Variants in MYO3B observed in about 807,000 individuals in gnomAD.
The protein encoded by MYO3B is myosin-IIIb.
In MYO3B, 156 loss-of-function variants were observed where a neutral mutation model predicts 174.6. The observed-to-expected ratio is 0.89, with a 90% CI of 0.78 to 1.02. The LOEUF is 1.02. Among genes scored for constraint, MYO3B ranks in the 50% least tolerant of loss-of-function variants. MYO3B has a pLI of 0.00. For missense variants in MYO3B, 1,632 were observed against 1,639.4 expected (o/e 1.00, Z 0.08); for synonymous variants, 563 against 569.1 (o/e 0.99, Z 0.15).
intron 22 of MYO3B, among the ~76,000 whole-genome samples, chr2:170,422,458 G>A (rs1465338583): frequency 7.5e-6 from 1 of 132,696 alleles, no homozygotes; most frequent in Non-Finnish European, 1.6e-5. Context: ...TGTTCTATTA[G>A]CCACTTTTTT....
intron 9 of MYO3B, among the ~76,000 whole-genome samples, chr2:170,370,237 G>A (rs1232674001): frequency 6.6e-6 from 1 of 152,150 alleles, no homozygotes; most frequent in African/African-American, 2.4e-5. Context: ...TACTGGAGGT[G>A]AAGAAAATAA....
chr2:170,253,486 T>C (rs2093274940), intron 7 of MYO3B, among the ~76,000 whole-genome samples: 1 of 152,154 alleles, frequency 6.6e-6, no homozygotes, highest in Non-Finnish European at 1.5e-5. Flanking sequence ...GTGGTGACAT[T>C]GAGTATGCAG....
intron 7 of MYO3B, among the ~76,000 whole-genome samples, chr2:170,307,422 GT>G (rs1433645507): frequency 6.6e-6 from 1 of 152,100 alleles, no homozygotes; most frequent in Non-Finnish European, 1.5e-5. Context: ...AAAATGCTCT[GT>G]TCAGTGAGTC....
intron 32 of MYO3B, among the ~76,000 whole-genome samples, chr2:170,641,857 GT>G (rs879416981): frequency 0.13 from 11,713 of 91,710 alleles, 1,081 homozygotes; most frequent in East Asian, 0.23. Flanking sequence ...TTATTGTTAA[GT>G]GGGGGGGGGG....
At chr2:170,194,270 C>G (rs1387724595) in intron 1 of MYO3B, among the ~76,000 whole-genome samples, 1 of 151,984 alleles carries the variant, frequency 6.6e-6, no homozygotes, top group Non-Finnish European at 1.5e-5. Flanking sequence ...TTTGAGAGGC[C>G]AGGGTGGGAG....
Position 170,534,132 on chromosome 2 carries a change from G to A in MYO3B, c.3576-8774G>A, listed in dbSNP as rs962827850. ...ATGTTGTGTTTTTTACGAACTGAAG[G>A]TTTGTGCCACCCTGTGTTGAGCAAG... is the stretch of plus-strand genomic sequence containing the variant. On this transcript the variant is annotated intron_variant, in intron 30 of 34. Coordinates refer to ENST00000408978, the MANE Select transcript of MYO3B (RefSeq NM_138995.5). Among the ~76,000 whole-genome samples the A allele has an allele frequency of 3.3e-5, 5 of 152,262 alleles. No homozygotes were observed. The East Asian group carries it at 9.6e-4, about 29-fold the overall frequency.
intron 32 of MYO3B, among the ~76,000 whole-genome samples, chr2:170,563,068 GAC>G (rs1300303443): frequency 7.4e-5 from 5 of 67,690 alleles, no homozygotes; most frequent in Admixed American, 4.4e-4. Context: ...ACACACTCTA[GAC>G]ACACACACTA....
At chr2:170,552,915 C>T (rs1691023911) in intron 32 of MYO3B, among the ~76,000 whole-genome samples, 1 of 152,172 alleles carries the variant, frequency 6.6e-6, no homozygotes, top group African/African-American at 2.4e-5. Context: ...TCAGCTGTGG[C>T]TAAAAGGGGC....
At chr2:170,387,394 T>G (rs923301229) in intron 14 of MYO3B, 86 bp downstream of exon 14, 1 of 1,283,284 alleles carries the variant, frequency 7.8e-7, no homozygotes, top group African/African-American at 1.5e-5. Flanking sequence ...GTTTTCATTC[T>G]TGTTCTTAAC....
chr2:170,217,238 C>A, intron 5 of MYO3B, 81 bp from the exon 6 acceptor site: 1 of 1,212,210 alleles, frequency 8.2e-7, no homozygotes, highest in Non-Finnish European at 1.2e-6. Context: ...ACTTATTTGG[C>A]CTTTGTGGAA....
chr2:170,360,188 G>T (rs893754865), intron 8 of MYO3B, among the ~76,000 whole-genome samples: 13 of 152,234 alleles, frequency 8.5e-5, no homozygotes, highest in African/African-American at 2.9e-4. Context: ...CCTTCTCCTT[G>T]TAGGGAGAAG....
chr2:170,385,980 G>T, intron 12 of MYO3B: 1 of 418,736 alleles, frequency 2.4e-6, no homozygotes, highest in East Asian at 3.8e-5. Context: ...ATATTGGACA[G>T]ATTAAACAGA....
intron 3 of MYO3B, among the ~76,000 whole-genome samples, chr2:170,207,312 C>T (rs2092723082): frequency 6.6e-6 from 1 of 152,114 alleles, no homozygotes; most frequent in Non-Finnish European, 1.5e-5. Context: ...TCATCCGAGG[C>T]TCCAGTTGCA....
At chr2:170,384,881 C>G (rs1250312757) in intron 12 of MYO3B, among the ~76,000 whole-genome samples, 2 of 152,150 alleles carry the variant, frequency 1.3e-5, no homozygotes, top group Non-Finnish European at 2.9e-5. Flanking sequence ...CGATTAGTGC[C>G]ACAAGACTGT....
chr2:170,204,563 A>C (rs964469280), intron 3 of MYO3B, among the ~76,000 whole-genome samples: 3 of 152,262 alleles, frequency 2.0e-5, no homozygotes, highest in African/African-American at 7.2e-5. Flanking sequence ...TGATTGAATC[A>C]ATATTCAATG....
Position 170,464,993 on chromosome 2 carries a change from C to T in MYO3B, c.2809-1513C>T, listed in dbSNP as rs182787539. Among the ~76,000 whole-genome samples, 1,380 of 151,650 alleles carry T rather than the reference C, an allele frequency of 9.1e-3. 10 individuals carry two copies. The highest frequency in any genetic ancestry group is 0.014 in the Non-Finnish European group (956 of 67,924). On this transcript the variant is annotated intron_variant, in intron 24 of 34. Transcript: ENST00000408978. ...GCGATTCTCCTGCGTCAGCCTCCCA[C>T]GTAGCTGGGACTACAGGTACGTGCC...
At chr2:170,425,559 T>C (rs911371958) in intron 22 of MYO3B, among the ~76,000 whole-genome samples, 2 of 152,220 alleles carry the variant, frequency 1.3e-5, no homozygotes, top group African/African-American at 4.8e-5. Flanking sequence ...TCAAATCAAC[T>C]GTTGTCCAGA....
intron 9 of MYO3B, 145 bp downstream of exon 9, chr2:170,369,522 T>C (rs543128860): frequency 3.4e-6 from 3 of 878,574 alleles, no homozygotes; most frequent in Non-Finnish European, 5.0e-6. Context: ...AAGTACTCCA[T>C]GCCCAGTGGA....
chr2:170,599,717 T>C (rs1002048422), intron 32 of MYO3B, among the ~76,000 whole-genome samples: 3 of 152,180 alleles, frequency 2.0e-5, no homozygotes, highest in African/African-American at 4.8e-5. Context: ...CACTGCACTC[T>C]AGCCTGGGTG....
Sources: allele counts gnomAD v4.1 joint callset (sites outside exome capture counted in the v4.1 genomes callset), GRCh38; gene constraint gnomAD v4.1.1; transcripts MANE v1.5; gene names NCBI Gene and HGNC (gene_info 2026-07-23, HGNC 2026-07-21).